The following PCDH11X variants were observed in gnomAD, a reference collection of about 807,000 sequenced individuals.
PCDH11X encodes protocadherin-11 X-linked.
PCDH11X carries 18 observed loss-of-function variants against 53.3 expected under a neutral mutation model. That is an observed-to-expected ratio of 0.34 (90% CI 0.23 to 0.50). The LOEUF is 0.50. Among genes scored for constraint, PCDH11X ranks in the 20% least tolerant of loss-of-function variants. The pLI is 0.98. For synonymous variants in PCDH11X, 279 were observed against 393.3 expected, an observed-to-expected ratio of 0.71 and a Z score of 3.44; for missense variants, 570 against 1,032.4, an observed-to-expected ratio of 0.55 and a Z score of 6.14.
chrX:91,887,539 G>T lies in PCDH11X; in HGVS notation c.3033+8266G>T, dbSNP rs189259717. ...GTAGCCATAGGTTTCTATTTTTATT[G>T]TACATGTGATACACATTTGTTGTAG... On this transcript the variant is annotated intron_variant, in intron 6 of 10. Coordinates refer to ENST00000682573, the MANE Select transcript of PCDH11X (RefSeq NM_032968.5). 2.7e-3 allele frequency among the ~76,000 whole-genome samples: 298 copies of T among 111,787 alleles called. 1 individual carries two copies. Among genetic ancestry groups the T allele is most frequent in the Admixed American group, 0.026 (274 of 10,480 alleles).
intron 10 of PCDH11X, among the ~76,000 whole-genome samples, chrX:92,587,134 T>C (rs1924481178): frequency 9.1e-6 from 1 of 110,215 alleles, no homozygotes; most frequent in African/African-American, 3.3e-5. Flanking sequence ...TACAGCATCT[T>C]ATTTCTTTTC....
chrX:92,014,457 C>T (rs1433298634), intron 6 of PCDH11X, among the ~76,000 whole-genome samples: 1 of 108,727 alleles, frequency 9.2e-6, no homozygotes, highest in Non-Finnish European at 1.9e-5. Context: ...CTAGTTCAAC[C>T]ATTGTGGAAG....
chrX:91,895,528 G>A (rs1940705370), intron 6 of PCDH11X, among the ~76,000 whole-genome samples: 1 of 110,332 alleles, frequency 9.1e-6, no homozygotes, highest in Admixed American at 9.8e-5. Context: ...GTAATGCCTA[G>A]GATTGGTCCT....
chrX:91,920,058 A>G (rs1281555077), intron 6 of PCDH11X, among the ~76,000 whole-genome samples: 1 of 111,732 alleles, frequency 8.9e-6, no homozygotes, highest in African/African-American at 3.2e-5. Context: ...TCTACTGAAT[A>G]ATCCATGTGC....
At chrX:92,259,800 T>G (rs2067676033) in intron 7 of PCDH11X, among the ~76,000 whole-genome samples, 1 of 111,214 alleles carries the variant, frequency 9.0e-6, no homozygotes, top group African/African-American at 3.3e-5. Context: ...GGCTCTTCAG[T>G]TAGTAGGTGA....
intron 6 of PCDH11X, among the ~76,000 whole-genome samples, chrX:92,012,641 C>G (rs2062712471): frequency 9.0e-6 from 1 of 111,400 alleles, no homozygotes; most frequent in Non-Finnish European, 1.9e-5. Context: ...ATTATAAAAT[C>G]TCCGCCTAAA....
chrX:92,585,766 A>G (rs1924323124), intron 10 of PCDH11X, among the ~76,000 whole-genome samples: 1 of 111,044 alleles, frequency 9.0e-6, no homozygotes, highest in African/African-American at 3.3e-5. Context: ...CATTATTTCA[A>G]TAATACCCAT....
At chrX:92,027,494 C>T (rs1030154995) in intron 6 of PCDH11X, among the ~76,000 whole-genome samples, 81 of 110,774 alleles carry the variant, frequency 7.3e-4, no homozygotes, top group Non-Finnish European at 1.1e-3. Context: ...TTATTATGGC[C>T]AAGAAAGAGA....
In PCDH11X at chrX:92,183,033, C is replaced by T. The variant is rs149252875; in HGVS notation, c.3034-18342C>T. ...GAAAAGACTGTGACATTATTCTTAA[C>T]GCCTTTGTTTCTGCCATACCACACA... is the stretch of plus-strand genomic sequence containing the variant. On this transcript the variant is annotated intron_variant, in intron 6 of 10. Transcript: ENST00000682573. 9.2e-4 allele frequency among the ~76,000 whole-genome samples: 102 copies of T among 111,141 alleles called. No individual in the cohort carries two copies. In the East Asian group the frequency reaches 0.012, roughly 13 times the overall value.
intron 10 of PCDH11X, among the ~76,000 whole-genome samples, chrX:92,481,292 ACACACACCC>A (rs1186492182): frequency 2.7e-5 from 2 of 74,107 alleles, no homozygotes; most frequent in Non-Finnish European, 6.6e-5. Flanking sequence ...GTTCACACAC[ACACACACCC>A]CACACACACA....
At position 92,128,934 on chromosome X, in the gene PCDH11X, A is replaced by G. The variant is rs76419998; in HGVS notation, c.3034-72441A>G. Among the ~76,000 whole-genome samples the G allele has an allele frequency of 5.4e-3, 592 of 109,600 alleles. 6 individuals carry two copies. Among genetic ancestry groups the G allele is most frequent in the African/African-American group, 0.019 (566 of 29,125 alleles). On this transcript the variant is annotated intron_variant, in intron 6 of 10. Coordinates refer to ENST00000682573, the MANE Select transcript of PCDH11X (RefSeq NM_032968.5). ...CAAACATATACAGGACATTATAATT[A>G]TTATAATTTTCATTGTTGAAATGGA...
chrX:92,249,828 G>T (rs1023244486), intron 7 of PCDH11X, among the ~76,000 whole-genome samples: 2 of 111,197 alleles, frequency 1.8e-5, no homozygotes, highest in Non-Finnish European at 3.8e-5. Flanking sequence ...CAAGATGCAG[G>T]ATTCGTAAAA....
At chrX:91,995,045 A>C (rs1353638631) in intron 6 of PCDH11X, among the ~76,000 whole-genome samples, 1 of 111,049 alleles carries the variant, frequency 9.0e-6, no homozygotes, top group Non-Finnish European at 1.9e-5. Flanking sequence ...AGTTAGTTGT[A>C]TATTTTAGAT....
chrX:92,236,981 C>G, intron 7 of PCDH11X, among the ~76,000 whole-genome samples: 1 of 110,414 alleles, frequency 9.1e-6, no homozygotes, highest in Non-Finnish European at 1.9e-5. Context: ...CCAAGTAAAT[C>G]AAAATTGTAA....
chrX:91,847,080 CTGTACAG>C (rs1386618568), intron 5 of PCDH11X, among the ~76,000 whole-genome samples: 3 of 110,680 alleles, frequency 2.7e-5, no homozygotes, highest in Non-Finnish European at 5.7e-5. Context: ...ATGGTTTGAC[CTGTACAG>C]TGTACAGTGT....
At chrX:91,921,919 A>G (rs896540535) in intron 6 of PCDH11X, among the ~76,000 whole-genome samples, 1 of 111,264 alleles carries the variant, frequency 9.0e-6, no homozygotes, top group Non-Finnish European at 1.9e-5. Context: ...ATTCTCTTTC[A>G]TTGGGAAGAT....
At chrX:91,814,018 T>G (rs1370139271) in intron 4 of PCDH11X, among the ~76,000 whole-genome samples, 3 of 106,242 alleles carry the variant, frequency 2.8e-5, no homozygotes, top group African/African-American at 1.0e-4. Context: ...CAGGACAAAA[T>G]CATGATGCCA....
At chrX:92,088,684 C>A (rs768880420) in intron 6 of PCDH11X, among the ~76,000 whole-genome samples, 1 of 111,689 alleles carries the variant, frequency 9.0e-6, no homozygotes, top group Non-Finnish European at 1.9e-5. Flanking sequence ...CTGTAAAGTA[C>A]GTTTCTTTCT....
rs190427005 is a variant in PCDH11X at position 92,466,074 on chromosome X, G to T, written c.3344-2225G>T. Among the ~76,000 whole-genome samples, 471 of 110,980 alleles carry T rather than the reference G, an allele frequency of 4.2e-3. 7 individuals carry two copies. The East Asian group carries it at 0.043, about 10-fold the overall frequency. On this transcript the variant is annotated intron_variant, in intron 9 of 10. Coordinates refer to ENST00000682573, the MANE Select transcript of PCDH11X (RefSeq NM_032968.5). Reference sequence around the variant, plus strand: ...TTAATAGCCTAAAAACAATCTTCTTGTTAAAAACACACTTAACGTGTGAGA... The same window carrying T: ...TTAATAGCCTAAAAACAATCTTCTTTTTAAAAACACACTTAACGTGTGAGA...
Sources: gnomAD v4.1 joint callset for allele counts (sites outside exome capture counted in the v4.1 genomes callset) on GRCh38, gnomAD v4.1.1 for gene constraint, MANE v1.5 for transcripts, NCBI Gene and HGNC (gene_info 2026-07-23, HGNC 2026-07-21) for gene names.